The following BRINP2 variants were observed in gnomAD, a reference collection of about 807,000 sequenced individuals.
BRINP2 encodes the protein BMP/retinoic acid inducible neural specific 2.
A neutral mutation model predicts 69.2 loss-of-function variants in BRINP2; 21 were observed. The observed-to-expected ratio is 0.30, with a 90% CI of 0.22 to 0.44. BRINP2 has a LOEUF of 0.44. Among genes scored for constraint, BRINP2 ranks in the 20% least tolerant of loss-of-function variants. BRINP2 has a pLI of 1.00. For synonymous variants in BRINP2, 380 were observed against 394.1 expected (o/e 0.96, Z 0.42); for missense variants, 877 against 986.0 (o/e 0.89, Z 1.48).
intron 1 of BRINP2, among the ~76,000 whole-genome samples, chr1:177,190,945 G>T (rs1648577849): frequency 6.6e-6 from 1 of 152,148 alleles, no homozygotes; most frequent in Non-Finnish European, 1.5e-5. Flanking sequence ...ATAAATGTGA[G>T]TCCTTATTAT....
At chr1:177,222,436 C>T (rs548114144) in intron 1 of BRINP2, among the ~76,000 whole-genome samples, 106 of 152,242 alleles carry the variant, frequency 7.0e-4, no homozygotes, top group Middle Eastern at 6.8e-3. Context: ...CTCAGCCTCC[C>T]GAGTGGCTAG....
intron 1 of BRINP2, among the ~76,000 whole-genome samples, chr1:177,208,174 A>G (rs1649118059): frequency 6.6e-6 from 1 of 152,240 alleles, no homozygotes; most frequent in South Asian, 2.1e-4. Flanking sequence ...ATGTATGAAA[A>G]GCAGTAAGAG....
At chr1:177,256,947 G>A in intron 3 of BRINP2, 1 of 1,408,126 alleles carries the variant, frequency 7.1e-7, no homozygotes, top group South Asian at 1.4e-5. Context: ...TAAGCTGAGG[G>A]CAGGGGGACT....
At chr1:177,272,055 G>A (rs948796659) in intron 4 of BRINP2, among the ~76,000 whole-genome samples, 1 of 152,174 alleles carries the variant, frequency 6.6e-6, no homozygotes, top group African/African-American at 2.4e-5. Flanking sequence ...CTAGACACAT[G>A]CACTATGCAC....
Position 177,256,701 on chromosome 1 carries a change from C to T in BRINP2, c.461-475C>T, listed in dbSNP as rs1427769665. 7 of 1,062,326 alleles carry T rather than the reference C, an allele frequency of 6.6e-6. No homozygotes were observed. The East Asian group carries it at 5.2e-4, about 79-fold the overall frequency. 65.8% of individuals were successfully genotyped at this position (1,062,326 alleles called of 1,614,324 possible). On this transcript the variant is annotated intron_variant, in intron 3 of 7. Transcript: ENST00000361539. ...AAGCAGGATTTATTATAACATTTAG[C>T]TCACTGTCCAATCGACTAAAACAAG...
At chr1:177,211,132 C>T (rs1487052170) in intron 1 of BRINP2, among the ~76,000 whole-genome samples, 12 of 151,944 alleles carry the variant, frequency 7.9e-5, no homozygotes, top group Admixed American at 4.6e-4. Flanking sequence ...CTTACAACGT[C>T]TAAGGTATTC....
At chr1:177,269,490 G>A (rs930362320) in intron 4 of BRINP2, among the ~76,000 whole-genome samples, 2 of 152,204 alleles carry the variant, frequency 1.3e-5, no homozygotes, top group Admixed American at 6.5e-5. Context: ...TGACTGAAGG[G>A]AGTTCACACA....
chr1:177,227,533 C>G (rs1360337637), intron 1 of BRINP2, among the ~76,000 whole-genome samples: 1 of 151,958 alleles, frequency 6.6e-6, no homozygotes, highest in African/African-American at 2.4e-5. Flanking sequence ...TTTGGGCATC[C>G]TCATCAGATT....
chr1:177,264,197 TC>T (rs1651051358), intron 4 of BRINP2, among the ~76,000 whole-genome samples: 1 of 152,204 alleles, frequency 6.6e-6, no homozygotes, highest in South Asian at 2.1e-4. Flanking sequence ...TCCTTCCTGT[TC>T]CTTGACCTGA....
intron 1 of BRINP2, among the ~76,000 whole-genome samples, chr1:177,194,987 A>G (rs915291892): frequency 2.4e-4 from 37 of 152,162 alleles, no homozygotes; most frequent in Admixed American, 2.2e-3. Context: ...GTTTCACCAA[A>G]TACCTCTCGA....
At chr1:177,203,776 T>A (rs747313811) in intron 1 of BRINP2, among the ~76,000 whole-genome samples, 1 of 152,212 alleles carries the variant, frequency 6.6e-6, no homozygotes, top group Non-Finnish European at 1.5e-5. Context: ...TTTTGGAACT[T>A]ACTGACTAGC....
intron 3 of BRINP2, chr1:177,256,782 G>A (rs1650775701): frequency 1.8e-6 from 2 of 1,118,952 alleles, no homozygotes; most frequent in Non-Finnish European, 2.2e-6. Context: ...GTGTTTGATG[G>A]GGAGGAGGGA....
At chr1:177,210,297 T>C (rs1434503367) in intron 1 of BRINP2, among the ~76,000 whole-genome samples, 1 of 152,200 alleles carries the variant, frequency 6.6e-6, no homozygotes, top group Non-Finnish European at 1.5e-5. Flanking sequence ...GAGACAGCCA[T>C]GGTTCAAGAG....
chr1:177,235,368 T>C (rs1360687801), intron 2 of BRINP2, among the ~76,000 whole-genome samples: 1 of 152,174 alleles, frequency 6.6e-6, no homozygotes, highest in East Asian at 1.9e-4. Flanking sequence ...GCAGCGAGAC[T>C]ATTTACAGGA....
At chr1:177,224,837 T>C (rs898862343) in intron 1 of BRINP2, among the ~76,000 whole-genome samples, 1 of 152,240 alleles carries the variant, frequency 6.6e-6, no homozygotes, top group Non-Finnish European at 1.5e-5. Flanking sequence ...ATAATTAACA[T>C]TAACAACCTT....
At chr1:177,217,447 T>C (rs992538802) in intron 1 of BRINP2, among the ~76,000 whole-genome samples, 2 of 152,242 alleles carry the variant, frequency 1.3e-5, no homozygotes, top group African/African-American at 4.8e-5. Context: ...TGAAGTTTAC[T>C]AAACATTTTT....
chr1:177,199,911 C>G (rs1558156617), intron 1 of BRINP2, among the ~76,000 whole-genome samples: 3 of 152,128 alleles, frequency 2.0e-5, no homozygotes, highest in South Asian at 2.1e-4. Flanking sequence ...AGCTACTGTC[C>G]TAGTCTAAGC....
chr1:177,273,086 G>A (rs1651381068), intron 4 of BRINP2, among the ~76,000 whole-genome samples: 1 of 152,152 alleles, frequency 6.6e-6, no homozygotes, highest in Admixed American at 6.5e-5. Context: ...TAAAGTCTGT[G>A]AGTACCACAT....
intron 1 of BRINP2, among the ~76,000 whole-genome samples, chr1:177,219,640 T>G (rs1649469165): frequency 6.6e-6 from 1 of 152,212 alleles, no homozygotes; most frequent in Non-Finnish European, 1.5e-5. Context: ...CATTTTACAT[T>G]CTGGTTTGTG....
Sources: allele counts gnomAD v4.1 joint callset (sites outside exome capture counted in the v4.1 genomes callset), GRCh38; gene constraint gnomAD v4.1.1; transcripts MANE v1.5; gene names NCBI Gene and HGNC (gene_info 2026-07-23, HGNC 2026-07-21).